SEMA3E: variants seen among roughly 807,000 people sequenced by gnomAD.
SEMA3E encodes semaphorin 3E.
Under a neutral mutation model 93.6 loss-of-function variants are expected in SEMA3E, and 49 were observed. The observed-to-expected ratio is 0.52, with a 90% confidence interval of 0.42 to 0.66. The LOEUF (loss-of-function observed/expected upper bound fraction) is 0.66. Ranked by LOEUF, SEMA3E falls within the 30% of genes least tolerant of loss-of-function variation. The probability of loss-of-function intolerance (pLI) is 0.00; values close to 1 mark genes in which losing one functional copy is unlikely to be tolerated. For missense variants in SEMA3E, 906 were observed against 964.8 expected, an observed-to-expected ratio of 0.94 and a Z score of 0.81; for synonymous variants, 363 against 330.7, an observed-to-expected ratio of 1.10 and a Z score of -1.06.
intron 1 of SEMA3E, among the ~76,000 whole-genome samples, chr7:83,510,370 T>A (rs1790792650): frequency 6.6e-6 from 1 of 152,220 alleles, no homozygotes; most frequent in Admixed American, 6.5e-5. Flanking sequence ...CACAAGAGGA[T>A]TTTAACTGTA....
chr7:83,624,222 T>G (rs2115643943), intron 1 of SEMA3E, among the ~76,000 whole-genome samples: 1 of 152,320 alleles, frequency 6.6e-6, no homozygotes, highest in South Asian at 2.1e-4. Flanking sequence ...TGATTTAAAA[T>G]CATTTGGGTA....
chr7:83,589,818 T>A (rs1399852232), intron 1 of SEMA3E, among the ~76,000 whole-genome samples: 1 of 152,126 alleles, frequency 6.6e-6, no homozygotes, highest in Admixed American at 6.6e-5. Context: ...AGTTATTGTA[T>A]TGGATCATTC....
At chr7:83,388,082 G>T (rs144159007) in intron 14 of SEMA3E, among the ~76,000 whole-genome samples, 3,298 of 148,314 alleles carry the variant, frequency 0.022, 128 homozygotes, top group African/African-American at 0.076. Flanking sequence ...AGGCCAAGAC[G>T]GGTGGATCAT....
chr7:83,379,203 G>A (rs1787722714), intron 16 of SEMA3E, among the ~76,000 whole-genome samples: 1 of 151,404 alleles, frequency 6.6e-6, no homozygotes, highest in Admixed American at 6.6e-5. Context: ...GAGTACAATT[G>A]GATATATGGA....
chr7:83,500,295 G>T (rs987789714), intron 1 of SEMA3E, among the ~76,000 whole-genome samples: 19 of 152,058 alleles, frequency 1.2e-4, no homozygotes, highest in Non-Finnish European at 2.8e-4. Context: ...AATTAGCCAG[G>T]GATCGTGGCA....
At chr7:83,644,481 C>A (rs771298180) in intron 1 of SEMA3E, among the ~76,000 whole-genome samples, 52 of 152,000 alleles carry the variant, frequency 3.4e-4, no homozygotes, top group Non-Finnish European at 4.7e-4. Flanking sequence ...TATCAGTCTG[C>A]AAAAACATTA....
intron 1 of SEMA3E, among the ~76,000 whole-genome samples, chr7:83,521,596 G>C (rs1791049973): frequency 6.6e-6 from 1 of 152,130 alleles, no homozygotes; most frequent in Non-Finnish European, 1.5e-5. Flanking sequence ...CAACAGAAAT[G>C]TATTGTTTGC....
At chr7:83,388,332 T>A (rs970937666) in intron 14 of SEMA3E, among the ~76,000 whole-genome samples, 34 of 141,758 alleles carry the variant, frequency 2.4e-4, no homozygotes, top group African/African-American at 8.3e-4. Flanking sequence ...TAAAAAAAAA[T>A]ATATATATAT....
chr7:83,467,904 A>T (rs1584268702), intron 3 of SEMA3E, among the ~76,000 whole-genome samples: 1 of 29,070 alleles, frequency 3.4e-5, no homozygotes, highest in African/African-American at 7.2e-5. Flanking sequence ...ATTTAAAAAA[A>T]TAGTTTACAA....
chr7:83,587,381 A>C (rs1045117358), intron 1 of SEMA3E, among the ~76,000 whole-genome samples: 4 of 152,178 alleles, frequency 2.6e-5, no homozygotes, highest in African/African-American at 9.6e-5. Flanking sequence ...TTGGCATACC[A>C]GTTCATTTTA....
chr7:83,457,232 G>C lies in SEMA3E; in HGVS notation c.456+9250C>G, dbSNP rs564606578. 1.7e-4 allele frequency among the ~76,000 whole-genome samples: 26 copies of C among 152,128 alleles called. No homozygotes were observed. In the South Asian group the frequency reaches 4.8e-3, roughly 28 times the overall value. On this transcript the variant is annotated intron_variant, in intron 4 of 16. Coordinates refer to ENST00000643230, the MANE Select transcript of SEMA3E (RefSeq NM_012431.3). ...GAGCAGAATGACAGAGACAGACAGAGAGAGAGAGAGAAGACTCTCAGAGGA... is the reference window on the plus strand; with the variant it reads ...GAGCAGAATGACAGAGACAGACAGACAGAGAGAGAGAAGACTCTCAGAGGA...
At chr7:83,511,104 G>T (rs765762738) in intron 1 of SEMA3E, among the ~76,000 whole-genome samples, 1 of 151,952 alleles carries the variant, frequency 6.6e-6, no homozygotes, top group Non-Finnish European at 1.5e-5. Flanking sequence ...AAATTTTTTG[G>T]TAAACTTCTT....
At chr7:83,598,634 T>G (rs1792923559) in intron 1 of SEMA3E, among the ~76,000 whole-genome samples, 1 of 152,190 alleles carries the variant, frequency 6.6e-6, no homozygotes, top group Admixed American at 6.5e-5. Flanking sequence ...AGCGGTTTGC[T>G]GCTGCAAGCA....
intron 2 of SEMA3E, among the ~76,000 whole-genome samples, chr7:83,481,022 T>A (rs1432341532): frequency 6.6e-6 from 1 of 152,120 alleles, no homozygotes; most frequent in Non-Finnish European, 1.5e-5. Context: ...GAAAACTTAA[T>A]GAGGACTCTT....
intron 1 of SEMA3E, among the ~76,000 whole-genome samples, chr7:83,510,834 G>A (rs747397174): frequency 6.6e-6 from 1 of 152,134 alleles, no homozygotes; most frequent in Non-Finnish European, 1.5e-5. Flanking sequence ...GACATTTGGT[G>A]AAATGTCCCT....
Position 83,393,783 on chromosome 7 carries a change from G to A in SEMA3E, c.1500+514C>T, listed in dbSNP as rs370094305. ...TACACCAAACTGATTTCAGTGAAGT[G>A]GAAAGGAGGTGTGTTTCCTTGCACA... On this transcript the variant is annotated intron_variant, in intron 13 of 16. Coordinates refer to ENST00000643230, the MANE Select transcript of SEMA3E (RefSeq NM_012431.3). Among the ~76,000 whole-genome samples, 8 of 152,250 alleles carry A rather than the reference G, an allele frequency of 5.3e-5. 1 individual carries two copies. In the East Asian group the frequency reaches 7.7e-4, roughly 15 times the overall value.
Position 83,400,103 on chromosome 7 carries a change from A to G in SEMA3E, c.1291T>C (p.Tyr431His). Residue 431 changes from tyrosine (Y) to histidine (H), a missense_variant, in exon 11 of 17, where the codon TAT becomes CAT. Physicochemically the swap from Tyr to His is moderately conservative, Grantham distance 83. Transcript: ENST00000643230. ...TCTACTGCTATTTGTTTCAGGTTAT[A>G]TTTTCCATCTGTTTTTACCAATATT... ...KPILVKTDGKYNLKQIAVDRV... is the reference protein window; with the variant it reads ...KPILVKTDGKHNLKQIAVDRV... 1.2e-6 allele frequency: 2 copies of G among 1,613,912 alleles called. No individual in the cohort carries two copies. Among genetic ancestry groups the G allele is most frequent in the Non-Finnish European group, 1.7e-6 (2 of 1,179,936 alleles).
chr7:83,643,905 T>C (rs1482890681), intron 1 of SEMA3E, among the ~76,000 whole-genome samples: 2 of 151,990 alleles, frequency 1.3e-5, no homozygotes, highest in Non-Finnish European at 2.9e-5. Context: ...TTTTTATTTA[T>C]TAACACCCAG....
chr7:83,610,124 G>A (rs1406991783), intron 1 of SEMA3E, among the ~76,000 whole-genome samples: 1 of 151,944 alleles, frequency 6.6e-6, no homozygotes, highest in Non-Finnish European at 1.5e-5. Context: ...AAGAATATAA[G>A]AATGTATTAC....
Sources: allele counts gnomAD v4.1 joint callset (sites outside exome capture counted in the v4.1 genomes callset), GRCh38; gene constraint gnomAD v4.1.1; transcripts MANE v1.5; gene names NCBI Gene and HGNC (gene_info 2026-07-23, HGNC 2026-07-21).